The following SHROOM3 variants were observed in gnomAD, a reference collection of about 807,000 sequenced individuals.
The protein encoded by SHROOM3 is shroom family member 3, also known as protein Shroom3.
A neutral mutation model predicts 138.6 loss-of-function variants in SHROOM3; 47 were observed. That is an observed-to-expected ratio of 0.34 (90% CI 0.27 to 0.43). The LOEUF (loss-of-function observed/expected upper bound fraction) is 0.43, where lower values mean the gene tolerates loss of function less well. Among genes scored for constraint, SHROOM3 ranks in the 20% least tolerant of loss-of-function variants. SHROOM3 has a pLI of 1.00. For missense variants in SHROOM3, 2,491 were observed against 2,596.5 expected, an observed-to-expected ratio of 0.96 and a Z score of 0.88; for synonymous variants, 1,062 against 1,063.3, an observed-to-expected ratio of 1.00 and a Z score of 0.02.
Position 76,482,669 on chromosome 4 carries a change from C to T in SHROOM3, c.168+46449C>T, listed in dbSNP as rs565575871. Among the ~76,000 whole-genome samples, 22 of 152,076 alleles carry T rather than the reference C, an allele frequency of 1.4e-4. No homozygotes were observed. The East Asian group carries it at 2.9e-3, about 20-fold the overall frequency. On this transcript the variant is annotated intron_variant, in intron 1 of 10. Transcript: ENST00000296043. ...AATTACTTTAAATTTCATATGGAACCGAAAAAGAGCCCACATAGCCAAGAC... is the reference window on the plus strand; with the variant it reads ...AATTACTTTAAATTTCATATGGAACTGAAAAAGAGCCCACATAGCCAAGAC...
chr4:76,778,580 G>T (rs1354139344), intron 10 of SHROOM3, among the ~76,000 whole-genome samples: 3 of 152,176 alleles, frequency 2.0e-5, no homozygotes, highest in Admixed American at 6.5e-5. Flanking sequence ...CCAATTTAAT[G>T]TAACAGCTCT....
intron 1 of SHROOM3, among the ~76,000 whole-genome samples, chr4:76,516,175 A>G (rs1269989698): frequency 6.6e-6 from 1 of 152,194 alleles, no homozygotes; most frequent in African/African-American, 2.4e-5. Context: ...TGAATGACCA[A>G]GGATACTGAC....
intron 2 of SHROOM3, among the ~76,000 whole-genome samples, chr4:76,629,792 G>A (rs1034144455): frequency 3.9e-5 from 6 of 152,196 alleles, no homozygotes; most frequent in Admixed American, 3.3e-4. Context: ...GATAAGAAGT[G>A]AAACAGGCAA....
rs189338804 is a variant in SHROOM3, at chr4:76,753,505, G to A, written c.3828-806G>A. Among the ~76,000 whole-genome samples the A allele has an allele frequency of 7.6e-4, 115 of 152,288 alleles. 1 individual carries two copies. The highest frequency in any genetic ancestry group is 2.0e-3 in the Admixed American group (30 of 15,302). ...TGCAGACAGGGAATGTACAAATCAC[G>A]GTGGGTTTGCTGGAGAGCTTTTTAT... On this transcript the variant is annotated intron_variant, in intron 6 of 10. Coordinates refer to ENST00000296043, the MANE Select transcript of SHROOM3 (RefSeq NM_020859.4).
intron 1 of SHROOM3, among the ~76,000 whole-genome samples, chr4:76,469,679 A>G (rs1339086064): frequency 1.3e-5 from 2 of 151,878 alleles, no homozygotes; most frequent in Non-Finnish European, 2.9e-5. Flanking sequence ...CTGGTCACAA[A>G]CTCCTGAGCT....
At chr4:76,467,107 A>G (rs1317350920) in intron 1 of SHROOM3, among the ~76,000 whole-genome samples, 22 of 151,426 alleles carry the variant, frequency 1.5e-4, no homozygotes, top group Admixed American at 1.3e-3. Flanking sequence ...TGGTGACTCA[A>G]TCACGACTCA....
Position 76,756,939 on chromosome 4 carries a change from T to C in SHROOM3, c.5198+2T>C. 2 of 1,613,770 alleles carry C rather than the reference T, an allele frequency of 1.2e-6. No homozygotes were observed. Among genetic ancestry groups the C allele is most frequent in the Non-Finnish European group, 1.7e-6 (2 of 1,179,992 alleles). ...CTCTTCAGGATGTGAAGGCAAGAGG[T>C]AAGTCCCTGGTGATGTCCTCAGAGA... On this transcript the variant is annotated splice_donor_variant, in intron 8 of 10. Transcript: ENST00000296043. LOFTEE classifies it high-confidence loss of function.
chr4:76,612,006 T>C (rs1734774041), intron 2 of SHROOM3, among the ~76,000 whole-genome samples: 1 of 152,238 alleles, frequency 6.6e-6, no homozygotes, highest in Non-Finnish European at 1.5e-5. Context: ...AGGAAAAACT[T>C]GCTCAGACAC....
chr4:76,674,292 CTG>C (rs1486674219), intron 2 of SHROOM3, among the ~76,000 whole-genome samples: 1 of 152,062 alleles, frequency 6.6e-6, no homozygotes, highest in East Asian at 1.9e-4. Context: ...TAAGAGATAC[CTG>C]TTTTCTATGA....
At chr4:76,775,781 T>C (rs1722539670) in intron 10 of SHROOM3, among the ~76,000 whole-genome samples, 1 of 151,704 alleles carries the variant, frequency 6.6e-6, no homozygotes, top group African/African-American at 2.4e-5. Flanking sequence ...TACATACACA[T>C]ATATACACAT....
chr4:76,568,350 G>A (rs1733770354), intron 2 of SHROOM3, among the ~76,000 whole-genome samples: 1 of 152,102 alleles, frequency 6.6e-6, no homozygotes. Flanking sequence ...TCTAAATCTT[G>A]GCTGTTTTTA....
intron 2 of SHROOM3, among the ~76,000 whole-genome samples, chr4:76,565,147 C>T (rs966266597): frequency 2.2e-4 from 27 of 124,868 alleles, no homozygotes; most frequent in South Asian, 5.0e-4. Flanking sequence ...GGTGACAGGG[C>T]GAGACTCCAT....
intron 1 of SHROOM3, among the ~76,000 whole-genome samples, chr4:76,518,330 C>A (rs1314271697): frequency 6.6e-6 from 1 of 152,118 alleles, no homozygotes; most frequent in Non-Finnish European, 1.5e-5. Flanking sequence ...CAGCATCTGG[C>A]ACCTAATATG....
At chr4:76,520,929 C>T (rs1455958984) in intron 1 of SHROOM3, among the ~76,000 whole-genome samples, 1 of 152,196 alleles carries the variant, frequency 6.6e-6, no homozygotes, top group African/African-American at 2.4e-5. Context: ...AAGCTAGGGA[C>T]CGCTATCATA....
At chr4:76,572,149 A>C (rs1733845340) in intron 2 of SHROOM3, among the ~76,000 whole-genome samples, 1 of 152,170 alleles carries the variant, frequency 6.6e-6, no homozygotes, top group South Asian at 2.1e-4. Flanking sequence ...CTAGGAGATG[A>C]TTTGCTAATC....
intron 2 of SHROOM3, among the ~76,000 whole-genome samples, chr4:76,621,334 C>T (rs1246572752): frequency 6.6e-6 from 1 of 152,174 alleles, no homozygotes; most frequent in Non-Finnish European, 1.5e-5. Flanking sequence ...GCAGGCCCAA[C>T]ATGTCCCTTC....
intron 3 of SHROOM3, among the ~76,000 whole-genome samples, chr4:76,726,601 GCA>G (rs1243881728): frequency 6.6e-6 from 1 of 150,420 alleles, no homozygotes; most frequent in Non-Finnish European, 1.5e-5. Flanking sequence ...CAATGCAGTG[GCA>G]CACAGTCATT....
chr4:76,707,721 A>G (rs1030649598), intron 2 of SHROOM3, among the ~76,000 whole-genome samples: 1 of 152,140 alleles, frequency 6.6e-6, no homozygotes, highest in Non-Finnish European at 1.5e-5. Context: ...GGTTTCTGGG[A>G]TGACAGGCTT....
intron 2 of SHROOM3, among the ~76,000 whole-genome samples, chr4:76,696,642 C>T (rs985733426): frequency 3.3e-5 from 5 of 152,196 alleles, no homozygotes; most frequent in African/African-American, 1.2e-4. Flanking sequence ...GTCACCCTTC[C>T]ATGTGTGAAT....
Sources: allele counts gnomAD v4.1 joint callset (sites outside exome capture counted in the v4.1 genomes callset), GRCh38; gene constraint gnomAD v4.1.1; transcripts MANE v1.5; gene names NCBI Gene and HGNC (gene_info 2026-07-23, HGNC 2026-07-21).